Variants in RAP1GDS1 observed in about 807,000 individuals in gnomAD.
The protein encoded by RAP1GDS1 is Rap1 GTPase-GDP dissociation stimulator 1, also known as RAP1, GTP-GDP dissociation stimulator 1.
RAP1GDS1 carries 35 observed loss-of-function variants against 71.1 expected under a neutral mutation model. That is an observed-to-expected ratio of 0.49 (90% confidence interval 0.38 to 0.65). The LOEUF is 0.65. RAP1GDS1 is among the 30% of genes least tolerant of loss of function. The pLI is 0.00. For missense variants in RAP1GDS1, 663 were observed against 706.1 expected, an observed-to-expected ratio of 0.94 and a Z score of 0.69; for synonymous variants, 229 against 243.1, an observed-to-expected ratio of 0.94 and a Z score of 0.54.
chr4:98,426,888 A>T (rs1410078616), intron 12 of RAP1GDS1, among the ~76,000 whole-genome samples: 1 of 152,164 alleles, frequency 6.6e-6, no homozygotes, highest in Non-Finnish European at 1.5e-5. Context: ...TATCACCCTA[A>T]TACCAAAACC....
rs560331474 is a variant in RAP1GDS1, at chr4:98,310,309, CATA to C, written c.112+16799_112+16801del. Reference sequence around the variant, plus strand: ...AGATAAATGTTAAATTATAATTTATCATAATAAGTGCTATCATAGGGGAATGTT... The same window carrying C: ...AGATAAATGTTAAATTATAATTTATCATAAGTGCTATCATAGGGGAATGTT... On this transcript the variant is annotated intron_variant, in intron 2 of 14. Transcript: ENST00000408927. Among the ~76,000 whole-genome samples, 404 of 152,052 alleles carry C rather than the reference CATA, an allele frequency of 2.7e-3. 2 individuals carry two copies. The highest frequency in any genetic ancestry group is 9.4e-3 in the African/African-American group (391 of 41,494).
At chr4:98,398,046 T>C (rs1306137291) in intron 6 of RAP1GDS1, among the ~76,000 whole-genome samples, 2 of 152,118 alleles carry the variant, frequency 1.3e-5, no homozygotes, top group Non-Finnish European at 2.9e-5. Context: ...TATTATTATT[T>C]TTAGTTCCTA....
At chr4:98,327,919 G>A (rs1031963027) in intron 2 of RAP1GDS1, among the ~76,000 whole-genome samples, 1 of 152,132 alleles carries the variant, frequency 6.6e-6, no homozygotes, top group African/African-American at 2.4e-5. Context: ...TTTGTTAGGA[G>A]TTGTACTTCT....
chr4:98,297,670 C>T (rs1727978540), intron 2 of RAP1GDS1, among the ~76,000 whole-genome samples: 1 of 152,132 alleles, frequency 6.6e-6, no homozygotes, highest in Non-Finnish European at 1.5e-5. Flanking sequence ...ATGCCGTACC[C>T]CCTACTCCCC....
At chr4:98,293,661 T>G in intron 2 of RAP1GDS1, 146 bp downstream of exon 2, 1 of 659,328 alleles carries the variant, frequency 1.5e-6, no homozygotes, top group African/African-American at 1.9e-5. Flanking sequence ...GAGATTGTTT[T>G]ACATGTTCTA....
chr4:98,345,874 A>G (rs1736169729), intron 3 of RAP1GDS1, among the ~76,000 whole-genome samples: 1 of 152,154 alleles, frequency 6.6e-6, no homozygotes, highest in Non-Finnish European at 1.5e-5. Context: ...TGGTCTGAGT[A>G]CAGCGGTAGC....
At chr4:98,356,219 T>G (rs981640058) in intron 4 of RAP1GDS1, among the ~76,000 whole-genome samples, 5 of 152,140 alleles carry the variant, frequency 3.3e-5, no homozygotes, top group Non-Finnish European at 7.4e-5. Context: ...CGCAGTAGTA[T>G]TATATTTCAG....
chr4:98,410,974 T>C (rs1746979590), intron 7 of RAP1GDS1, among the ~76,000 whole-genome samples: 1 of 152,214 alleles, frequency 6.6e-6, no homozygotes. Context: ...ATCTAGGTGA[T>C]AGATACATGG....
chr4:98,362,719 A>G (rs544506095), intron 4 of RAP1GDS1, among the ~76,000 whole-genome samples: 2 of 152,298 alleles, frequency 1.3e-5, no homozygotes, highest in Non-Finnish European at 2.9e-5. Context: ...AACACCACAA[A>G]TTATTGTTCT....
At chr4:98,387,869 T>A (rs1742996489) in intron 5 of RAP1GDS1, among the ~76,000 whole-genome samples, 1 of 152,164 alleles carries the variant, frequency 6.6e-6, no homozygotes, top group Non-Finnish European at 1.5e-5. Context: ...GAGGCAGAAG[T>A]AGTAGTCTTG....
intron 1 of RAP1GDS1, among the ~76,000 whole-genome samples, chr4:98,281,801 G>C (rs548810016): frequency 1.4e-4 from 22 of 152,280 alleles, no homozygotes; most frequent in Admixed American, 2.6e-4. Context: ...CTAGTTTATT[G>C]AGAGTTTTTA....
rs560903138 is a variant in RAP1GDS1 at position 98,280,963 on chromosome 4, G to A, written c.5-12445G>A. ...CTGAGGCCTCTGTTCTGTTCCATTG[G>A]TCTATATCTCTGTTTTGGTACCAGT... is the stretch of plus-strand genomic sequence containing the variant. On this transcript the variant is annotated intron_variant, in intron 1 of 14. Transcript: ENST00000408927. Among the ~76,000 whole-genome samples, 54 of 152,202 alleles carry A rather than the reference G, an allele frequency of 3.5e-4. 3 individuals are homozygous for A. The highest frequency in any genetic ancestry group is 9.2e-4 in the Admixed American group (14 of 15,286).
intron 2 of RAP1GDS1, among the ~76,000 whole-genome samples, chr4:98,309,152 G>A (rs182691282): frequency 1.2e-4 from 19 of 152,064 alleles, no homozygotes; most frequent in African/African-American, 4.3e-4. Context: ...AATAATATAT[G>A]AATAGAAATT....
At chr4:98,314,135 ATT>A (rs1256663816) in intron 2 of RAP1GDS1, among the ~76,000 whole-genome samples, 1 of 152,106 alleles carries the variant, frequency 6.6e-6, no homozygotes, top group Admixed American at 6.5e-5. Context: ...GATTGATCAT[ATT>A]TTCATTCTGA....
chr4:98,349,257 G>A (rs1461105280), intron 3 of RAP1GDS1, among the ~76,000 whole-genome samples: 4 of 152,142 alleles, frequency 2.6e-5, no homozygotes, highest in Admixed American at 6.5e-5. Context: ...TGTCAGGTTT[G>A]TCAAAGATCA....
intron 4 of RAP1GDS1, among the ~76,000 whole-genome samples, chr4:98,378,192 ATTC>A (rs564890044): frequency 9.2e-5 from 14 of 151,894 alleles, no homozygotes; most frequent in Non-Finnish European, 1.8e-4. Context: ...AATGACACGT[ATTC>A]TTCTTTTAAT....
chr4:98,377,780 G>A (rs993685511), intron 4 of RAP1GDS1, among the ~76,000 whole-genome samples: 12 of 151,620 alleles, frequency 7.9e-5, no homozygotes, highest in African/African-American at 2.2e-4. Context: ...AACTAACTTC[G>A]TAGCTGTAAT....
Position 98,442,086 on chromosome 4 carries a change from T to C in RAP1GDS1, c.1793T>C (p.Leu598Pro). The change falls in exon 15 of 15, where the codon CTC (leucine) becomes CCC (proline). Residue 598 changes from leucine to proline, a missense_variant. Coordinates refer to ENST00000408927, the MANE Select transcript of RAP1GDS1 (RefSeq NM_001100427.2). Reference sequence around the variant, plus strand: ...AAAAGTGTTGCCCAGCAGGCCTCTCTCACAGAGCAGAGACTTACTGTGGAA... The same window carrying C: ...AAAAGTGTTGCCCAGCAGGCCTCTCCCACAGAGCAGAGACTTACTGTGGAA... The part of the protein sequence containing the change: ...ENKSVAQQAS[L>P]TEQRLTVES 1 of 1,613,858 alleles carries C rather than the reference T, an allele frequency of 6.2e-7. No individual in the cohort carries two copies. Among genetic ancestry groups the C allele is most frequent in the Non-Finnish European group, 8.5e-7 (1 of 1,179,970 alleles).
chr4:98,274,793 A>G (rs1723968066), intron 1 of RAP1GDS1, among the ~76,000 whole-genome samples: 1 of 152,216 alleles, frequency 6.6e-6, no homozygotes, highest in Non-Finnish European at 1.5e-5. Flanking sequence ...CAAGAGCCAA[A>G]GAAAACCTCT....
Sources: gnomAD v4.1 joint callset for allele counts (sites outside exome capture counted in the v4.1 genomes callset) on GRCh38, gnomAD v4.1.1 for gene constraint, MANE v1.5 for transcripts, NCBI Gene and HGNC (gene_info 2026-07-23, HGNC 2026-07-21) for gene names.